CRYBG1: variants seen among roughly 807,000 people sequenced by gnomAD.
CRYBG1 encodes beta/gamma crystallin domain-containing protein 1.
A neutral mutation model predicts 189.2 loss-of-function variants in CRYBG1; 139 were observed. The observed-to-expected ratio is 0.73, with a 90% CI of 0.64 to 0.85. CRYBG1 has a LOEUF of 0.85. CRYBG1 is among the 40% of genes least tolerant of loss of function. The pLI is 0.00. For missense variants in CRYBG1, 2,611 were observed against 2,675.8 expected (o/e 0.98, Z 0.53); for synonymous variants, 1,023 against 1,017.1 (o/e 1.01, Z -0.11).
intron 2 of CRYBG1, among the ~76,000 whole-genome samples, chr6:106,468,510 T>C (rs548177319): frequency 6.6e-6 from 1 of 152,250 alleles, no homozygotes; most frequent in South Asian, 2.1e-4. Context: ...TTTAACACAA[T>C]CTAAAATTTC....
chr6:106,564,867 G>GTAAATT (rs112136407), intron 21 of CRYBG1, among the ~76,000 whole-genome samples: 25,101 of 151,928 alleles, frequency 0.17, 2,570 homozygotes, highest in African/African-American at 0.29. Flanking sequence ...ATTGTGTTTT[G>GTAAATT]TAGCGAACTG....
chr6:106,446,187 G>GT (rs1771660041), intron 1 of CRYBG1, among the ~76,000 whole-genome samples: 3 of 152,198 alleles, frequency 2.0e-5, no homozygotes, highest in Admixed American at 2.0e-4. Context: ...AGGTTGCTCA[G>GT]TAAATGGTTG....
In CRYBG1 at chr6:106,519,452, T is replaced by TA. The variant is rs766606166; in HGVS notation, c.2245dup (p.Ile749AsnfsTer25). On this transcript the variant is annotated frameshift_variant, in exon 4 of 22. Coordinates refer to ENST00000633556, the MANE Select transcript of CRYBG1 (RefSeq NM_001371242.2). LOFTEE classifies it high-confidence loss of function. ...ATGGTGTGCTGGTTAAGGAAACTGC[T>TA]ATAGAAACCAAAGTTACCGTCTCGG... The TA allele has an allele frequency of 1.2e-6, 2 of 1,614,078 alleles. No individual in the cohort carries two copies. Among genetic ancestry groups the TA allele is most frequent in the Admixed American group, 1.7e-5 (1 of 60,026 alleles).
intron 2 of CRYBG1, among the ~76,000 whole-genome samples, chr6:106,460,607 C>G (rs1327961462): frequency 6.6e-6 from 1 of 152,036 alleles, no homozygotes. Flanking sequence ...CTGCCCTGCC[C>G]TTACTCTAGA....
rs909699170 is a variant in CRYBG1 at position 106,399,808 on chromosome 6, C to T, written c.173+38727C>T. ...AGTAGATGGGACCGTAGGCATGCAC[C>T]GCCATGCCCAGCTAATTCTTTTACC... On this transcript the variant is annotated intron_variant, in intron 1 of 21. Transcript: ENST00000633556. Among the ~76,000 whole-genome samples the T allele has an allele frequency of 5.3e-5, 8 of 151,914 alleles. No individual in the cohort carries two copies. In the East Asian group the frequency reaches 5.8e-4, roughly 11 times the overall value.
chr6:106,536,227 G>A (rs1336597070), intron 8 of CRYBG1, among the ~76,000 whole-genome samples: 1 of 136,232 alleles, frequency 7.3e-6, no homozygotes, highest in Non-Finnish European at 1.6e-5. Flanking sequence ...TTAGGTTCAG[G>A]CCAAACAGTT....
chr6:106,378,438 C>T lies in CRYBG1; in HGVS notation c.173+17357C>T, dbSNP rs566043274. Among the ~76,000 whole-genome samples the T allele has an allele frequency of 2.7e-3, 415 of 152,318 alleles. 1 individual carries two copies. Among genetic ancestry groups the T allele is most frequent in the South Asian group, 4.3e-3 (21 of 4,832 alleles). ...CAGGGCTCGGTCCTCGGCACTGTTGCCCACTCACCTCGGTTTTGCACCACC... is the reference window on the plus strand; with the variant it reads ...CAGGGCTCGGTCCTCGGCACTGTTGTCCACTCACCTCGGTTTTGCACCACC... On this transcript the variant is annotated intron_variant, in intron 1 of 21. Transcript: ENST00000633556.
Position 106,511,986 on chromosome 6 carries a change from TC to T in CRYBG1, c.871del (p.Leu291TrpfsTer3). Reference protein sequence around the residue: ...SPGAGHEQEAFLGVRGAPGSP... With the variant: ...SPGAGHEQEAXLGVRGAPGSP... ...GGTGCTGGCCACGAACAGGAGGCTTTCCTGGGTGTGAGGGGTGCGCCAGGGT... is the reference window on the plus strand; with the variant it reads ...GGTGCTGGCCACGAACAGGAGGCTTTCTGGGTGTGAGGGGTGCGCCAGGGT... On this transcript the variant is annotated frameshift_variant, in exon 3 of 22. Coordinates refer to ENST00000633556, the MANE Select transcript of CRYBG1 (RefSeq NM_001371242.2). LOFTEE classifies it high-confidence loss of function. 1 of 1,530,564 alleles carries T rather than the reference TC, an allele frequency of 6.5e-7. No homozygotes were observed. Among genetic ancestry groups the T allele is most frequent in the Non-Finnish European group, 8.7e-7 (1 of 1,143,756 alleles). 94.8% of individuals were successfully genotyped at this position (1,530,564 alleles called of 1,614,324 possible).
chr6:106,517,068 G>A (rs1311471601), intron 3 of CRYBG1, among the ~76,000 whole-genome samples: 1 of 141,576 alleles, frequency 7.1e-6, no homozygotes, highest in Non-Finnish European at 1.5e-5. Context: ...GGAGTGCAGT[G>A]GCATGACCAT....
rs902275217 is a variant in CRYBG1 at position 106,409,024 on chromosome 6, G to A, written c.174-42670G>A. On this transcript the variant is annotated intron_variant, in intron 1 of 21. Transcript: ENST00000633556. ...CATAGTGTTGGAAGTTCTGGCCAGG[G>A]TAATCAGGCAAGAGAAAGAAATAAA... Among the ~76,000 whole-genome samples the A allele has an allele frequency of 5.4e-4, 82 of 151,426 alleles. 1 individual carries two copies. Among genetic ancestry groups the A allele is most frequent in the African/African-American group, 2.0e-3 (82 of 40,732 alleles).
At chr6:106,534,891 G>A (rs1357927110) in intron 8 of CRYBG1, among the ~76,000 whole-genome samples, 2 of 152,114 alleles carry the variant, frequency 1.3e-5, no homozygotes, top group East Asian at 1.9e-4. Context: ...ACTTCAAAGG[G>A]AGTATAAAGA....
intron 2 of CRYBG1, among the ~76,000 whole-genome samples, chr6:106,475,154 G>A (rs376452004): frequency 3.3e-5 from 5 of 152,028 alleles, no homozygotes; most frequent in East Asian, 1.9e-4. Flanking sequence ...AAAATCACCC[G>A]AATGTTTCAA....
intron 1 of CRYBG1, among the ~76,000 whole-genome samples, chr6:106,387,894 G>C (rs1033322938): frequency 1.3e-5 from 2 of 152,168 alleles, no homozygotes; most frequent in East Asian, 3.9e-4. Flanking sequence ...GAATTCTCAG[G>C]TGCTCTAAAG....
intron 1 of CRYBG1, among the ~76,000 whole-genome samples, chr6:106,427,016 A>T (rs937800511): frequency 1.1e-4 from 16 of 151,722 alleles, no homozygotes; most frequent in African/African-American, 3.9e-4. Context: ...GGCCCTTCTC[A>T]CTTTCCTCCT....
At chr6:106,463,303 C>T (rs1377686133) in intron 2 of CRYBG1, among the ~76,000 whole-genome samples, 1 of 151,398 alleles carries the variant, frequency 6.6e-6, no homozygotes, top group Non-Finnish European at 1.5e-5. Flanking sequence ...TCACCACCAG[C>T]CTGAACTCAC....
At chr6:106,561,532 T>C (rs758524828) in intron 20 of CRYBG1, 32 bp downstream of exon 20, 1 of 1,595,414 alleles carries the variant, frequency 6.3e-7, no homozygotes, top group Non-Finnish European at 8.6e-7. Context: ...GGGCCTGTGA[T>C]GGCTTTGCTA....
chr6:106,493,829 G>A (rs976998643), intron 2 of CRYBG1, among the ~76,000 whole-genome samples: 1 of 152,146 alleles, frequency 6.6e-6, no homozygotes, highest in East Asian at 1.9e-4. Flanking sequence ...GAGAGAATCA[G>A]GAAGAATAGC....
intron 1 of CRYBG1, among the ~76,000 whole-genome samples, chr6:106,406,907 C>T (rs1770837347): frequency 6.6e-6 from 1 of 152,206 alleles, no homozygotes; most frequent in Non-Finnish European, 1.5e-5. Context: ...AAAAGAACAA[C>T]CAGTACCAGA....
At chr6:106,479,641 T>G (rs9384617) in intron 2 of CRYBG1, among the ~76,000 whole-genome samples, 7 of 152,108 alleles carry the variant, frequency 4.6e-5, no homozygotes, top group Admixed American at 2.6e-4. Flanking sequence ...TAGTATCTCA[T>G]TGTGGTTTTG....
Sources: gnomAD v4.1 joint callset for allele counts (sites outside exome capture counted in the v4.1 genomes callset) on GRCh38, gnomAD v4.1.1 for gene constraint, MANE v1.5 for transcripts, NCBI Gene and HGNC (gene_info 2026-07-23, HGNC 2026-07-21) for gene names.